Variants in NDE1 observed in about 807,000 individuals in gnomAD.
The protein encoded by NDE1 is nuclear distribution protein nudE homolog 1.
In NDE1, 28 loss-of-function variants were observed where a neutral mutation model predicts 43.4. The ratio of observed to expected loss-of-function variants is 0.65; its 90% CI spans 0.48 to 0.89. The LOEUF is 0.89. NDE1 is among the 40% of genes least tolerant of loss of function. The pLI is 0.00. For synonymous variants in NDE1, 184 were observed against 172.0 expected (o/e 1.07, Z -0.55); for missense variants, 441 against 434.1 (o/e 1.02, Z -0.14).
At position 15,724,299 on chromosome 16, in the gene NDE1, C is replaced by G. The variant is rs2151218259; in HGVS notation, c.*48C>G. On this transcript the variant is annotated 3_prime_UTR_variant, in exon 9 of 9. Transcript: ENST00000396354. The stretch of plus-strand genomic sequence containing the variant: ...GTTTATCATAAGCGGCCGCCTTCTC[C>G]TCGTACTGCTGGGTGAGGTTCTCGA... 3 of 1,614,182 alleles carry G rather than the reference C, an allele frequency of 1.9e-6. No homozygotes were observed. Among genetic ancestry groups the G allele is most frequent in the Non-Finnish European group, 2.5e-6 (3 of 1,180,042 alleles).
chr16:15,659,038 A>G (rs929114118), intron 1 of NDE1, among the ~76,000 whole-genome samples: 2 of 152,212 alleles, frequency 1.3e-5, no homozygotes, highest in East Asian at 3.8e-4. Context: ...GGGTCGGGAA[A>G]TAGCATGTTT....
At chr16:15,705,809 G>C (rs919279671) in intron 8 of NDE1, among the ~76,000 whole-genome samples, 2 of 151,676 alleles carry the variant, frequency 1.3e-5, no homozygotes, top group African/African-American at 4.9e-5. Flanking sequence ...GTGAAACCGT[G>C]TCTCTACTAA....
chr16:15,704,133 G>T (rs568702510), intron 8 of NDE1: 1 of 1,613,752 alleles, frequency 6.2e-7, no homozygotes, highest in South Asian at 1.1e-5. Context: ...CCTGTGGGTT[G>T]TAAGAAAACA....
At chr16:15,698,742 T>C (rs1476732841) in intron 8 of NDE1, among the ~76,000 whole-genome samples, 1 of 151,724 alleles carries the variant, frequency 6.6e-6, no homozygotes, top group African/African-American at 2.4e-5. Context: ...ATGCCTGTAG[T>C]CCCAGCTGCT....
At chr16:15,671,752 G>A (rs1160753889) in intron 3 of NDE1, among the ~76,000 whole-genome samples, 1 of 152,080 alleles carries the variant, frequency 6.6e-6, no homozygotes, top group Non-Finnish European at 1.5e-5. Context: ...GTGCAGTGGT[G>A]TGATCTCAGC....
intron 7 of NDE1, chr16:15,694,956 A>G (rs2038939513): frequency 1.0e-6 from 1 of 959,326 alleles, no homozygotes; most frequent in Non-Finnish European, 1.2e-6. Flanking sequence ...AGATTACTTG[A>G]GCTCAGGAGT....
intron 8 of NDE1, among the ~76,000 whole-genome samples, chr16:15,698,822 C>G (rs1480105913): frequency 6.6e-6 from 1 of 151,614 alleles, no homozygotes; most frequent in Non-Finnish European, 1.5e-5. Flanking sequence ...GATTGCACCA[C>G]TGAACTCCAC....
intron 8 of NDE1, chr16:15,717,305 G>A: frequency 6.2e-7 from 1 of 1,612,078 alleles, no homozygotes. Flanking sequence ...ATTCTTCTGG[G>A]CCGTGCTGCG....
chr16:15,710,287 C>A (rs2039706705), intron 8 of NDE1, among the ~76,000 whole-genome samples: 1 of 152,096 alleles, frequency 6.6e-6, no homozygotes, highest in Admixed American at 6.6e-5. Flanking sequence ...CTTTGGGAGA[C>A]CGAGGCAGGT....
chr16:15,698,643 G>A (rs1446219037), intron 8 of NDE1, among the ~76,000 whole-genome samples: 1 of 152,080 alleles, frequency 6.6e-6, no homozygotes, highest in Non-Finnish European at 1.5e-5. Flanking sequence ...TGGATCACTT[G>A]AGGCCAGGAG....
intron 6 of NDE1, among the ~76,000 whole-genome samples, chr16:15,691,803 A>G (rs1321456146): frequency 6.6e-6 from 1 of 151,230 alleles, no homozygotes; most frequent in African/African-American, 2.4e-5. Flanking sequence ...TAACTTTTGT[A>G]TTTTAGGTGG....
chr16:15,695,587 C>T (rs966132938), intron 7 of NDE1: 12 of 984,276 alleles, frequency 1.2e-5, no homozygotes, highest in Non-Finnish European at 1.3e-5. Context: ...TCCTTTTGTG[C>T]TTAAGTAAAA....
intron 8 of NDE1, chr16:15,719,511 C>T (rs936510652): frequency 6.8e-6 from 11 of 1,606,692 alleles, no homozygotes; most frequent in Non-Finnish European, 9.3e-6. Flanking sequence ...TCTGGGAATG[C>T]ACAGACTGGA....
rs533114160 is a variant in NDE1, at chr16:15,669,187, A to G, written c.237+1748A>G. ...AGTGCTGGGAATACAGGCGTGAGCC[A>G]CTGTGCCCAGCCTGTTTTTTTTTTG... On this transcript the variant is annotated intron_variant, in intron 3 of 8. Coordinates refer to ENST00000396354, the MANE Select transcript of NDE1 (RefSeq NM_017668.3). 3.7e-5 allele frequency among the ~76,000 whole-genome samples: 5 copies of G among 135,734 alleles called. No homozygotes were observed. In the East Asian group the frequency reaches 1.1e-3, roughly 31 times the overall value. The allele number at this position is 135,734 out of a possible 152,430, so 89.0% of individuals were successfully genotyped here.
intron 8 of NDE1, among the ~76,000 whole-genome samples, chr16:15,709,753 G>C (rs1261643227): frequency 6.6e-6 from 1 of 152,216 alleles, no homozygotes; most frequent in Non-Finnish European, 1.5e-5. Context: ...TGTTGGAACA[G>C]AAGCCAAGAA....
intron 7 of NDE1, 123 bp from the exon 8 acceptor site, chr16:15,696,586 T>C: frequency 6.4e-7 from 1 of 1,565,026 alleles, no homozygotes; most frequent in Non-Finnish European, 8.6e-7. Context: ...GGGTCCCACC[T>C]TGGAATTCCA....
chr16:15,663,951 C>T (rs1160247570), intron 1 of NDE1, among the ~76,000 whole-genome samples: 3 of 152,070 alleles, frequency 2.0e-5, no homozygotes, highest in African/African-American at 4.8e-5. Context: ...CCTGTAAAAT[C>T]GCAGTTGCTC....
chr16:15,679,637 G>C (rs1433366984), intron 4 of NDE1, among the ~76,000 whole-genome samples: 3 of 152,138 alleles, frequency 2.0e-5, no homozygotes, highest in Non-Finnish European at 4.4e-5. Context: ...TGTAAGAGCT[G>C]CTTTGAGGTC....
Position 15,720,136 on chromosome 16 carries a change from C to T in NDE1, c.948-4055C>T, listed in dbSNP as rs767255396. 29 of 1,614,016 alleles carry T rather than the reference C, an allele frequency of 1.8e-5. No homozygotes were observed. In the Admixed American group the frequency reaches 4.7e-4, roughly 26 times the overall value. ...CCTCCCTCCACCCATGCCCCAAGCT[C>T]CTAGTGTCACCCACCTGCAGTTTGC... On this transcript the variant is annotated intron_variant, in intron 8 of 8. Transcript: ENST00000396354.
Sources: gnomAD v4.1 joint callset for allele counts (sites outside exome capture counted in the v4.1 genomes callset) on GRCh38, gnomAD v4.1.1 for gene constraint, MANE v1.5 for transcripts, NCBI Gene and HGNC (gene_info 2026-07-23, HGNC 2026-07-21) for gene names.